The following GTF2IRD2 variants were observed in gnomAD, a reference collection of about 807,000 sequenced individuals.
The protein encoded by GTF2IRD2 is general transcription factor II-I repeat domain-containing protein 2A.
Under a neutral mutation model 49.2 loss-of-function variants are expected in GTF2IRD2, and 8 were observed. The ratio of observed to expected loss-of-function variants is 0.16; its 90% CI spans 0.10 to 0.29. The LOEUF is 0.29. GTF2IRD2 is among the 10% of genes least tolerant of loss of function. The pLI, the probability that GTF2IRD2 is intolerant of heterozygous loss-of-function variation, is 1.00. For synonymous variants in GTF2IRD2, 47 were observed against 289.7 expected (o/e 0.16, Z 8.51); for missense variants, 130 against 725.7 (o/e 0.18, Z 9.43).
rs1797101310 is a variant in GTF2IRD2 at position 74,797,694 on chromosome 7, G to A, written c.1818C>T (p.Phe606=). The A allele has an allele frequency of 2.4e-6, 3 of 1,229,732 alleles. No individual in the cohort carries two copies. Among genetic ancestry groups the A allele is most frequent in the Non-Finnish European group, 3.4e-6 (3 of 873,712 alleles). The allele number at this position is 1,229,732 out of a possible 1,614,324, so 76.2% of individuals were successfully genotyped here. A position where few individuals can be genotyped will look rare whatever the true frequency, so the allele number is the denominator to read the frequency against. The part of the protein sequence containing the change: ...FSRVEKSLKN[F]CIDWSKLVSV... Reference sequence around the variant, plus strand: ...TTACTAATTTCGACCAGTCGATACAGAAGTTTTTCAGGCTTTTCTCAACAC... The same window carrying A: ...TTACTAATTTCGACCAGTCGATACAAAAGTTTTTCAGGCTTTTCTCAACAC... Residue 606 remains phenylalanine, a synonymous_variant, in exon 16 of 16, where the codon TTC becomes TTT. Coordinates refer to ENST00000451013, the MANE Select transcript of GTF2IRD2 (RefSeq NM_173537.5).
chr7:74,809,803 T>G (rs1299753223), intron 10 of GTF2IRD2, among the ~76,000 whole-genome samples: 1 of 135,182 alleles, frequency 7.4e-6, no homozygotes, highest in African/African-American at 2.6e-5. Context: ...ATTATTATTA[T>G]TATCATTATT....
Position 74,820,007 on chromosome 7 carries a change from T to TA in GTF2IRD2, c.587dup (p.Thr197AsnfsTer12). On this transcript the variant is annotated frameshift_variant, in exon 7 of 16. Coordinates refer to ENST00000451013, the MANE Select transcript of GTF2IRD2 (RefSeq NM_173537.5). LOFTEE classifies it high-confidence loss of function. ...ATACTATGGATCTCTCCGCATCTGTTACCATCCCAGGGCCACCTGTAGAGG... is the reference window on the plus strand; with the variant it reads ...ATACTATGGATCTCTCCGCATCTGTTAACCATCCCAGGGCCACCTGTAGAGG... 1 of 1,582,904 alleles carries TA rather than the reference T, an allele frequency of 6.3e-7. No homozygotes were observed. The highest frequency in any genetic ancestry group is 1.1e-5 in the South Asian group (1 of 89,856).
At position 74,797,289 on chromosome 7, in the gene GTF2IRD2, C is replaced by CA; in HGVS notation, c.2222dup (p.Pro742AlafsTer17). 1 of 791,702 alleles carries CA rather than the reference C, an allele frequency of 1.3e-6. No individual in the cohort carries two copies. Among genetic ancestry groups the CA allele is most frequent in the South Asian group, 1.4e-5 (1 of 73,006 alleles). 49.0% of individuals were successfully genotyped at this position (791,702 alleles called of 1,614,324 possible). On this transcript the variant is annotated frameshift_variant, in exon 16 of 16. Transcript: ENST00000451013. LOFTEE classifies it high-confidence loss of function. Reference sequence around the variant, plus strand: ...TCCAATCTATGGAGCTCAGTTGAGGCAGGGGTTTCCCTCTGGATGACATGA... The same window carrying CA: ...TCCAATCTATGGAGCTCAGTTGAGGCAAGGGGTTTCCCTCTGGATGACATGA...
chr7:74,796,661 A>C lies in GTF2IRD2; in HGVS notation c.*1T>G, dbSNP rs1563008681. Reference sequence around the variant, plus strand: ...GGGCCCTGCCAGGAGTTTTCTCTCCATCACGTTGCGATGTGGAGTACAGAA... The same window carrying C: ...GGGCCCTGCCAGGAGTTTTCTCTCCCTCACGTTGCGATGTGGAGTACAGAA... On this transcript the variant is annotated 3_prime_UTR_variant, in exon 16 of 16. Transcript: ENST00000451013. The C allele has an allele frequency of 5.4e-6, 4 of 737,702 alleles. No individual in the cohort carries two copies. Among genetic ancestry groups the C allele is most frequent in the Admixed American group, 2.0e-5 (1 of 49,390 alleles). 45.7% of individuals were successfully genotyped at this position (737,702 alleles called of 1,614,324 possible). A position where few individuals can be genotyped will look rare whatever the true frequency, so the allele number is the denominator to read the frequency against.
Position 74,797,310 on chromosome 7 carries a change from C to CA in GTF2IRD2, c.2201dup (p.Met734IlefsTer25), listed in dbSNP as rs1382634773. On this transcript the variant is annotated frameshift_variant, in exon 16 of 16. Transcript: ENST00000451013. LOFTEE classifies it high-confidence loss of function. ...GAGGCAGGGGTTTCCCTCTGGATGA[C>CA]ATGAAGGAGTCGATTTCTTCCAAGG... The CA allele has an allele frequency of 2.3e-6, 2 of 852,564 alleles. No homozygotes were observed. The highest frequency in any genetic ancestry group is 2.5e-5 in the East Asian group (1 of 40,316). The allele number at this position is 852,564 out of a possible 1,614,324, so 52.8% of individuals were successfully genotyped here.
intron 1 of GTF2IRD2, among the ~76,000 whole-genome samples, chr7:74,839,084 T>C (rs1460072185): frequency 4.0e-5 from 1 of 24,990 alleles, no homozygotes; most frequent in Non-Finnish European, 6.5e-5. Context: ...GCCACCATGC[T>C]CGGCTAATTT....
chr7:74,829,909 T>A lies in GTF2IRD2; in HGVS notation c.238+2896A>T, dbSNP rs187596466. On this transcript the variant is annotated intron_variant, in intron 3 of 15. Transcript: ENST00000451013. ...TCTCAAAAAAAAAAAAAAATTCATATGGAACACCAAGGGACTCTGAATAAC... is the reference window on the plus strand; with the variant it reads ...TCTCAAAAAAAAAAAAAAATTCATAAGGAACACCAAGGGACTCTGAATAAC... 2.4e-3 allele frequency among the ~76,000 whole-genome samples: 287 copies of A among 119,544 alleles called. 2 individuals are homozygous for A. Among genetic ancestry groups the A allele is most frequent in the African/African-American group, 9.8e-3 (265 of 27,144 alleles). The allele number at this position is 119,544 out of a possible 152,430, so 78.4% of individuals were successfully genotyped here. A position where few individuals can be genotyped will look rare whatever the true frequency, so the allele number is the denominator to read the frequency against.
At position 74,808,739 on chromosome 7, in the gene GTF2IRD2, C is replaced by T. The variant is rs1223662052; in HGVS notation, c.871+369G>A. ...ATTAGAGATTTCAATCTCTTCCCCA[C>T]AATTTTTTTTTTTTTTTAGATGGAA... On this transcript the variant is annotated intron_variant, in intron 11 of 15. Transcript: ENST00000451013. 1.2e-3 allele frequency among the ~76,000 whole-genome samples: 67 copies of T among 53,912 alleles called. 11 individuals carry two copies. Among genetic ancestry groups the T allele is most frequent in the African/African-American group, 5.8e-3 (64 of 11,122 alleles). 35.4% of individuals were successfully genotyped at this position (53,912 alleles called of 152,430 possible). A position where few individuals can be genotyped will look rare whatever the true frequency, so the allele number is the denominator to read the frequency against.
intron 1 of GTF2IRD2, among the ~76,000 whole-genome samples, chr7:74,839,723 G>A (rs1800618731): frequency 9.9e-6 from 1 of 101,246 alleles, no homozygotes; most frequent in Admixed American, 1.2e-4. Context: ...TAAGAAATGG[G>A]GCCGGCGTGG....
chr7:74,797,709 T>C lies in GTF2IRD2; in HGVS notation c.1803A>G (p.Lys601=), dbSNP rs707395. The change falls in exon 16 of 16, where the codon AAA becomes AAG. Residue 601 remains lysine, a synonymous_variant. Coordinates refer to ENST00000451013, the MANE Select transcript of GTF2IRD2 (RefSeq NM_173537.5). ...AGTCGATACAGAAGTTTTTCAGGCT[T>C]TTCTCAACACGCGAAAAGATCTCGT... ...SGNEIFSRVE[K]SLKNFCIDWS... The C allele has an allele frequency of 0.8, 970,527 of 1,212,430 alleles. 439,712 individuals are homozygous for C. The highest frequency in any genetic ancestry group is 0.96 in the East Asian group (38,519 of 40,142). 75.1% of individuals were successfully genotyped at this position (1,212,430 alleles called of 1,614,324 possible).
intron 15 of GTF2IRD2, chr7:74,799,001 TTTTC>T (rs1175837706): frequency 6.8e-6 from 1 of 146,012 alleles, no homozygotes; most frequent in African/African-American, 2.5e-5. Context: ...TCTTTTCTTT[TTTTC>T]TTTTTCTTTT....
rs587754574 is a variant in GTF2IRD2 at position 74,822,860 on chromosome 7, T to G, written c.359-53A>C. On this transcript the variant is annotated intron_variant, in intron 4 of 15. Transcript: ENST00000451013. ...TGGTGTGAACCTAACGTTCTACCAG[T>G]TTTTTTTTGTTTGTTTTTTGTTTTT... 2.9e-5 allele frequency: 45 copies of G among 1,550,036 alleles called. 1 individual carries two copies. The highest frequency in any genetic ancestry group is 3.6e-5 in the South Asian group (3 of 83,324).
At chr7:74,831,868 A>G (rs1799896257) in intron 3 of GTF2IRD2, among the ~76,000 whole-genome samples, 1 of 14,000 alleles carries the variant, frequency 7.1e-5, no homozygotes, top group African/African-American at 4.3e-4. Flanking sequence ...TTTTTAGTAG[A>G]GATGGAGTCT....
chr7:74,815,798 G>GAAAGAAAGA (rs1246723201), intron 8 of GTF2IRD2, among the ~76,000 whole-genome samples: 70 of 6,570 alleles, frequency 0.011, no homozygotes, highest in South Asian at 0.028. Context: ...AAGAAAGAAG[G>GAAAGAAAGA]AAAGAAAGAA....
chr7:74,836,164 C>G, intron 2 of GTF2IRD2, 116 bp downstream of exon 2: 1 of 1,296,018 alleles, frequency 7.7e-7, no homozygotes, highest in Non-Finnish European at 1.1e-6. Flanking sequence ...GAGTGAGACT[C>G]TGTCTTAAAA....
chr7:74,829,720 CAA>C (rs1156848156), intron 3 of GTF2IRD2, among the ~76,000 whole-genome samples: 21 of 88,210 alleles, frequency 2.4e-4, no homozygotes, highest in Admixed American at 5.9e-4. Context: ...TCTCAAAATA[CAA>C]AAAAAAAAAA....
chr7:74,815,857 A>G lies in GTF2IRD2; in HGVS notation c.671-3041T>C, dbSNP rs587688577. On this transcript the variant is annotated intron_variant, in intron 8 of 15. Transcript: ENST00000451013. ...AAGAAAGAAAGAAAGAAAGAAAGAA[A>G]GAAAGAAAGAGAAAATAAATTAAAA... Among the ~76,000 whole-genome samples the G allele has an allele frequency of 2.1e-3, 228 of 106,750 alleles. 3 individuals carry two copies. Among genetic ancestry groups the G allele is most frequent in the African/African-American group, 8.3e-3 (213 of 25,654 alleles). The allele number at this position is 106,750 out of a possible 152,430, so 70.0% of individuals were successfully genotyped here.
intron 3 of GTF2IRD2, among the ~76,000 whole-genome samples, chr7:74,826,699 CTTTTTTTTTTTTTTTTTT>C (rs1175596623): frequency 1.2e-4 from 2 of 16,582 alleles, no homozygotes; most frequent in African/African-American, 3.4e-4. Context: ...TCATTTCATT[CTTTTTTTTTTTTTTTTTT>C]TTTTTTTTTT....
rs1201454089 is a variant in GTF2IRD2, at chr7:74,822,543, G to A, written c.542+81C>T. ...CAGTCAGCTCTGAAACGCAGCAGGC[G>A]GGATGCACGAGTGAATTAAAATTAG... On this transcript the variant is annotated intron_variant, in intron 5 of 15. Coordinates refer to ENST00000451013, the MANE Select transcript of GTF2IRD2 (RefSeq NM_173537.5). The A allele has an allele frequency of 2.5e-5, 15 of 599,912 alleles. 1 individual carries two copies. In the Middle Eastern group the frequency reaches 1.3e-3, roughly 52 times the overall value. The allele number at this position is 599,912 out of a possible 1,614,324, so 37.2% of individuals were successfully genotyped here.
Sources: gnomAD v4.1 joint callset for allele counts (sites outside exome capture counted in the v4.1 genomes callset) on GRCh38, gnomAD v4.1.1 for gene constraint, MANE v1.5 for transcripts, NCBI Gene and HGNC (gene_info 2026-07-23, HGNC 2026-07-21) for gene names.